The following ABCB1 variants were observed in gnomAD, a reference collection of about 807,000 sequenced individuals.
The protein encoded by ABCB1 is ATP binding cassette subfamily B member 1.
Under a neutral mutation model 142.0 loss-of-function variants are expected in ABCB1, and 69 were observed. The ratio of observed to expected loss-of-function variants is 0.49; its 90% CI spans 0.40 to 0.59. The LOEUF (loss-of-function observed/expected upper bound fraction) is 0.59. Among genes scored for constraint, ABCB1 ranks in the 20% least tolerant of loss-of-function variants. ABCB1 has a pLI of 0.00. For missense variants in ABCB1, 1,326 were observed against 1,554.7 expected (o/e 0.85, Z 2.47); for synonymous variants, 532 against 539.2 (o/e 0.99, Z 0.18).
intron 1 of ABCB1, among the ~76,000 whole-genome samples, 164 bp from the exon 2 acceptor site, chr7:87,600,354 T>A (rs1429078170): frequency 6.6e-6 from 1 of 152,222 alleles, no homozygotes; most frequent in Non-Finnish European, 1.5e-5. Flanking sequence ...GGGGCTTTCC[T>A]GTGCGCGGGG....
intron 1 of ABCB1, among the ~76,000 whole-genome samples, chr7:87,609,230 CT>C (rs1819764617): frequency 6.6e-6 from 1 of 152,160 alleles, no homozygotes; most frequent in South Asian, 2.1e-4. Flanking sequence ...AAGGAGATAA[CT>C]TTGAGCCAAG....
rs28401803 is a variant in ABCB1 at position 87,510,856 on chromosome 7, G to A, written c.3283-1375C>T. Among the ~76,000 whole-genome samples, 5 of 152,326 alleles carry A rather than the reference G, an allele frequency of 3.3e-5. 1 individual carries two copies. The highest frequency in any genetic ancestry group is 1.2e-4 in the African/African-American group (5 of 41,570). ...TGTTAATAAATGAAGGTGGAAAGTAGAGGGTGGAGAGAGACAGTGAAAGCC... is the reference window on the plus strand; with the variant it reads ...TGTTAATAAATGAAGGTGGAAAGTAAAGGGTGGAGAGAGACAGTGAAAGCC... On this transcript the variant is annotated intron_variant, in intron 25 of 27. Coordinates refer to ENST00000622132, the MANE Select transcript of ABCB1 (RefSeq NM_001348946.2).
At chr7:87,645,148 T>C (rs1484617029) in intron 1 of ABCB1, among the ~76,000 whole-genome samples, 1 of 151,004 alleles carries the variant, frequency 6.6e-6, no homozygotes, top group Non-Finnish European at 1.5e-5. Flanking sequence ...AGTGGCACGA[T>C]CTCGGATCAC....
At chr7:87,519,873 T>C (rs1815417384) in intron 22 of ABCB1, among the ~76,000 whole-genome samples, 4 of 152,206 alleles carry the variant, frequency 2.6e-5, no homozygotes, top group African/African-American at 9.6e-5. Context: ...GGGGCCATGA[T>C]GGGTTGACAT....
chr7:87,643,963 A>T (rs1462065737), intron 1 of ABCB1, among the ~76,000 whole-genome samples: 1 of 152,164 alleles, frequency 6.6e-6, no homozygotes, highest in Non-Finnish European at 1.5e-5. Context: ...GGTTCAAGTG[A>T]TTCGCCTGCC....
intron 27 of ABCB1, 104 bp from the exon 28 acceptor site, chr7:87,504,553 A>T (rs906849282): frequency 1.0e-5 from 15 of 1,486,736 alleles, no homozygotes; most frequent in African/African-American, 1.4e-5. Flanking sequence ...TCACGCCTGT[A>T]ATCCCAGCAC....
intron 1 of ABCB1, among the ~76,000 whole-genome samples, chr7:87,613,897 C>T (rs558965453): frequency 2.0e-5 from 3 of 152,186 alleles, no homozygotes; most frequent in Admixed American, 6.5e-5. Context: ...AACCTATGTT[C>T]CTTTAGTCAA....
upstream of ABCB1, chr7:87,603,134 T>C (rs1389155121): frequency 1.3e-5 from 2 of 152,232 alleles, no homozygotes; most frequent in Non-Finnish European, 2.9e-5. Flanking sequence ...GTCTGTTCTA[T>C]ATGTATCTAT....
chr7:87,570,363 A>C, intron 4 of ABCB1, 140 bp from the exon 5 acceptor site: 1 of 832,580 alleles, frequency 1.2e-6, no homozygotes. Context: ...AATTGTGTGT[A>C]AGCATTATGG....
At chr7:87,626,106 ATATATGTG>A (rs1563079579) in intron 1 of ABCB1, among the ~76,000 whole-genome samples, 11 of 137,544 alleles carry the variant, frequency 8.0e-5, no homozygotes, top group African/African-American at 3.0e-4. Context: ...ATATTGTCAT[ATATATGTG>A]TCATATATAT....
chr7:87,601,722 TCTTA>T (rs1426576247), upstream of ABCB1, among the ~76,000 whole-genome samples: 1 of 152,248 alleles, frequency 6.6e-6, no homozygotes, highest in Admixed American at 6.5e-5. Flanking sequence ...TCAGAGCTTT[TCTTA>T]CTTCTTATGA....
chr7:87,542,409 G>T lies in ABCB1; in HGVS notation c.2212-945C>A, dbSNP rs532583635. ...AGATAGAAACTGAAGTACAGAGAAGGTAATTAATTTGCTCAAGTTAACACA... is the reference window on the plus strand; with the variant it reads ...AGATAGAAACTGAAGTACAGAGAAGTTAATTAATTTGCTCAAGTTAACACA... On this transcript the variant is annotated intron_variant, in intron 17 of 27. Coordinates refer to ENST00000622132, the MANE Select transcript of ABCB1 (RefSeq NM_001348946.2). Among the ~76,000 whole-genome samples, 9 of 152,268 alleles carry T rather than the reference G, an allele frequency of 5.9e-5. 1 individual carries two copies. The South Asian group carries it at 1.2e-3, about 21-fold the overall frequency.
At chr7:87,628,209 C>T (rs1820795147) in intron 1 of ABCB1, among the ~76,000 whole-genome samples, 1 of 152,330 alleles carries the variant, frequency 6.6e-6, no homozygotes. Context: ...CGGCAGCTAG[C>T]GGGCTGCGAA....
chr7:87,700,333 T>C, intron 1 of ABCB1: 2 of 1,189,800 alleles, frequency 1.7e-6, no homozygotes, highest in Non-Finnish European at 2.3e-6. Context: ...ATATTACCTT[T>C]ATTTTTCAGA....
intron 1 of ABCB1, among the ~76,000 whole-genome samples, chr7:87,647,888 A>G (rs1366800164): frequency 6.6e-6 from 1 of 152,174 alleles, no homozygotes; most frequent in Non-Finnish European, 1.5e-5. Context: ...TACAGAAAAG[A>G]AATGGAAAAT....
intron 1 of ABCB1, chr7:87,700,421 G>T (rs781710282): frequency 6.3e-7 from 1 of 1,596,036 alleles, no homozygotes; most frequent in South Asian, 1.2e-5. Flanking sequence ...TCTCCTGAAG[G>T]TCAAGTAACC....
At chr7:87,573,404 C>T (rs996576344) in intron 4 of ABCB1, among the ~76,000 whole-genome samples, 1 of 152,202 alleles carries the variant, frequency 6.6e-6, no homozygotes, top group Non-Finnish European at 1.5e-5. Flanking sequence ...TCCAGGCTGA[C>T]CTCAGCCACT....
At position 87,544,950 on chromosome 7, in the gene ABCB1, C is replaced by A. The variant is rs528939709; in HGVS notation, c.1937G>T (p.Ser646Ile). 121 of 1,614,050 alleles carry A rather than the reference C, an allele frequency of 7.5e-5. No homozygotes were observed. In the South Asian group the frequency reaches 1.3e-3, roughly 17 times the overall value. Residue 646 changes from serine to isoleucine, a missense_variant, in exon 16 of 28, where the codon AGT (serine) becomes ATT (isoleucine). By Grantham distance (142) the Ser-to-Ile change is moderately radical. Coordinates refer to ENST00000622132, the MANE Select transcript of ABCB1 (RefSeq NM_001348946.2). ...ELENAADESK[S>I]EIDALEMSSN... The stretch of plus-strand genomic sequence containing the variant: ...AGACATTTCCAAGGCATCAATTTCA[C>A]TTTTGGATTCATCAGCTGCATTTTC...
At chr7:87,521,422 C>A in intron 21 of ABCB1, 1 of 667,932 alleles carries the variant, frequency 1.5e-6, no homozygotes, top group Non-Finnish European at 2.7e-6. Flanking sequence ...TGGACGCCAC[C>A]AAGGAAGCAT....
Sources: allele counts gnomAD v4.1 joint callset (sites outside exome capture counted in the v4.1 genomes callset), GRCh38; gene constraint gnomAD v4.1.1; transcripts MANE v1.5; gene names NCBI Gene and HGNC (gene_info 2026-07-23, HGNC 2026-07-21).